GRPEL1: variants seen among roughly 807,000 people sequenced by gnomAD.
The protein encoded by GRPEL1 is grpE protein homolog 1, mitochondrial.
GRPEL1 carries 13 observed loss-of-function variants against 22.1 expected under a neutral mutation model. That is an observed-to-expected ratio of 0.59 (90% CI 0.38 to 0.94). The LOEUF is 0.94. GRPEL1 is among the 40% of genes least tolerant of loss of function. The pLI, the probability that GRPEL1 is intolerant of heterozygous loss-of-function variation, is 0.00. For synonymous variants in GRPEL1, 109 were observed against 105.3 expected, an observed-to-expected ratio of 1.03 and a Z score of -0.21; for missense variants, 289 against 264.6, an observed-to-expected ratio of 1.09 and a Z score of -0.64.
intron 2 of GRPEL1, among the ~76,000 whole-genome samples, chr4:7,062,851 C>T (rs575114222): frequency 1.3e-4 from 20 of 152,184 alleles, no homozygotes; most frequent in Non-Finnish European, 1.0e-4. Context: ...CATAGGAAAG[C>T]GAGCTTGATT....
rs1183284585 is a variant in GRPEL1, at chr4:7,059,933, T to TGCAC, written c.*925_*928dup. 1 of 152,152 alleles carries TGCAC rather than the reference T, an allele frequency of 6.6e-6. No homozygotes were observed. Among genetic ancestry groups the TGCAC allele is most frequent in the Non-Finnish European group, 1.5e-5 (1 of 68,036 alleles). 9.4% of individuals were successfully genotyped at this position (152,152 alleles called of 1,614,324 possible). ...GCCTGTATATGTGTGTACGTGAATG[T>TGCAC]GCACGCACGCACGTGTCAAGCTGAC... On this transcript the variant is annotated 3_prime_UTR_variant, in exon 4 of 4. Coordinates refer to ENST00000264954, the MANE Select transcript of GRPEL1 (RefSeq NM_025196.4).
intron 3 of GRPEL1, 98 bp downstream of exon 3, chr4:7,062,287 C>T (rs1000686735): frequency 1.1e-5 from 6 of 532,532 alleles, no homozygotes; most frequent in Admixed American, 9.3e-5. Flanking sequence ...CCCCCCACCC[C>T]ACAGCCTTGC....
intron 2 of GRPEL1, 48 bp downstream of exon 2, chr4:7,064,013 G>A (rs1724101102): frequency 1.3e-6 from 2 of 1,584,804 alleles, no homozygotes; most frequent in Non-Finnish European, 1.7e-6. Context: ...GCCCAGGAGA[G>A]AAACAGTTCA....
intron 1 of GRPEL1, among the ~76,000 whole-genome samples, chr4:7,066,760 G>A (rs1361286648): frequency 1.3e-5 from 2 of 152,160 alleles, no homozygotes; most frequent in East Asian, 1.9e-4. Context: ...ACCCACACCC[G>A]GGGCCATCTC....
intron 1 of GRPEL1, among the ~76,000 whole-genome samples, chr4:7,066,265 A>T (rs2108793453): frequency 6.6e-6 from 1 of 152,366 alleles, no homozygotes; most frequent in South Asian, 2.1e-4. Context: ...ACTGCGAGCG[A>T]CAAGTTGGAA....
At chr4:7,067,662 G>A (rs1039078895) in intron 1 of GRPEL1, 3 of 422,162 alleles carry the variant, frequency 7.1e-6, no homozygotes, top group African/African-American at 4.2e-5. Context: ...GCGAGGCGTC[G>A]CCGCAGGCCC....
At chr4:7,061,276 C>T in intron 3 of GRPEL1, 68 bp from the exon 4 acceptor site, 1 of 1,237,822 alleles carries the variant, frequency 8.1e-7, no homozygotes, top group Non-Finnish European at 1.1e-6. Context: ...AAACTGAGCA[C>T]TGCTGACCTG....
chr4:7,064,094 C>T lies in GRPEL1; in HGVS notation c.192G>A (p.Lys64=). Residue 64 remains lysine, a synonymous_variant, in exon 2 of 4, where the codon AAG becomes AAA. Coordinates refer to ENST00000264954, the MANE Select transcript of GRPEL1 (RefSeq NM_025196.4). The part of the protein sequence containing the change: ...PATEKTLLEE[K]VKLEEQLKET... ...CCTTCAGCTGTTCCTCCAACTTGAC[C>T]TTCTCTTCCAGGAGGGTCTTCTCTG... 1 of 1,614,204 alleles carries T rather than the reference C, an allele frequency of 6.2e-7. No homozygotes were observed. Among genetic ancestry groups the T allele is most frequent in the Non-Finnish European group, 8.5e-7 (1 of 1,180,026 alleles).
intron 1 of GRPEL1, among the ~76,000 whole-genome samples, chr4:7,064,967 A>G (rs1194407170): frequency 1.3e-5 from 2 of 152,116 alleles, no homozygotes; most frequent in African/African-American, 4.8e-5. Flanking sequence ...TCTTTTTTAT[A>G]AGATCTTCTG....
chr4:7,067,385 G>A (rs537681821), intron 1 of GRPEL1: 1 of 153,708 alleles, frequency 6.5e-6, no homozygotes, highest in South Asian at 1.9e-4. Flanking sequence ...TGGAGAAGGC[G>A]GAGTGAAGGA....
intron 1 of GRPEL1, 49 bp downstream of exon 1, chr4:7,067,922 C>T (rs1724214570): frequency 2.5e-6 from 4 of 1,580,878 alleles, no homozygotes; most frequent in Non-Finnish European, 3.5e-6. Flanking sequence ...CCCATCGGAG[C>T]GGGAGGTCGC....
At chr4:7,062,734 C>G (rs185181200) in intron 2 of GRPEL1, among the ~76,000 whole-genome samples, 6 of 151,930 alleles carry the variant, frequency 3.9e-5, no homozygotes, top group Admixed American at 1.3e-4. Context: ...GGATGGTCTC[C>G]ATCTCCTGAC....
intron 1 of GRPEL1, among the ~76,000 whole-genome samples, chr4:7,065,868 T>TG (rs2108793219): frequency 6.6e-6 from 1 of 151,684 alleles, no homozygotes; most frequent in East Asian, 1.9e-4. Context: ...TTTTTTTTTT[T>TG]TTTGAGACGG....
intron 1 of GRPEL1, among the ~76,000 whole-genome samples, chr4:7,064,658 C>T (rs1724125535): frequency 6.6e-6 from 1 of 152,052 alleles, no homozygotes; most frequent in South Asian, 2.1e-4. Flanking sequence ...GTCACCACAC[C>T]CGGCTAATTT....
intron 3 of GRPEL1, chr4:7,061,571 G>A (rs1179202476): frequency 2.7e-5 from 6 of 223,076 alleles, no homozygotes; most frequent in Non-Finnish European, 3.6e-5. Flanking sequence ...CACTAAGCCC[G>A]TAAGAGTATG....
rs770619426 is a variant in GRPEL1, at chr4:7,068,061, G to C, written c.-29C>G. 1.1e-5 allele frequency: 18 copies of C among 1,610,338 alleles called. No individual in the cohort carries two copies. Among genetic ancestry groups the C allele is most frequent in the Non-Finnish European group, 1.5e-5 (18 of 1,178,444 alleles). ...TGCCACTGCCCGTCGCAGTCGCCGC[G>C]CACGCACCAAGCGTGCGTGCAGGCA... On this transcript the variant is annotated 5_prime_UTR_variant, in exon 1 of 4. Transcript: ENST00000264954.
At chr4:7,061,768 G>A (rs956163428) in intron 3 of GRPEL1, 3 of 155,062 alleles carry the variant, frequency 1.9e-5, no homozygotes, top group African/African-American at 7.2e-5. Flanking sequence ...CTCAGTCTCT[G>A]TGAATGCGAC....
intron 2 of GRPEL1, among the ~76,000 whole-genome samples, chr4:7,063,442 C>G (rs1724091793): frequency 1.3e-5 from 2 of 152,270 alleles, no homozygotes; most frequent in South Asian, 4.1e-4. Flanking sequence ...TATACTGCAT[C>G]CATTTTCAGT....
intron 1 of GRPEL1, among the ~76,000 whole-genome samples, chr4:7,066,300 G>A (rs1351876087): frequency 6.6e-6 from 1 of 152,210 alleles, no homozygotes; most frequent in Non-Finnish European, 1.5e-5. Context: ...CGAGCAAATG[G>A]TTGAATAAAC....
Sources: allele counts gnomAD v4.1 joint callset (sites outside exome capture counted in the v4.1 genomes callset), GRCh38; gene constraint gnomAD v4.1.1; transcripts MANE v1.5; gene names NCBI Gene and HGNC (gene_info 2026-07-23, HGNC 2026-07-21).